The following ACP1 variants were observed in gnomAD, a reference collection of about 807,000 sequenced individuals.
ACP1 encodes low molecular weight phosphotyrosine protein phosphatase.
A neutral mutation model predicts 23.4 loss-of-function variants in ACP1; 23 were observed. The ratio of observed to expected loss-of-function variants is 0.98; its 90% CI spans 0.71 to 1.39. The LOEUF (loss-of-function observed/expected upper bound fraction) is 1.39, where lower values mean the gene tolerates loss of function less well. Among genes scored for constraint, ACP1 ranks in the 40% most tolerant of loss-of-function variants. ACP1 has a pLI of 0.00. For missense variants in ACP1, 180 were observed against 197.7 expected, an observed-to-expected ratio of 0.91 and a Z score of 0.54; for synonymous variants, 72 against 67.2, an observed-to-expected ratio of 1.07 and a Z score of -0.35.
chr2:272,084 C>G lies in ACP1; in HGVS notation c.165C>G (p.Pro55=), dbSNP rs201796949. ...AATSGYEIGN[P]PDYRGQSCMK... ...CTTCCGGGTATGAGATAGGGAACCC[C>G]CCTGACTACCGAGGGCAGAGCTGCA... Residue 55 remains proline, a synonymous_variant, in exon 3 of 6, where the codon CCC becomes CCG. Transcript: ENST00000272065. 6.2e-7 allele frequency: 1 copy of G among 1,614,198 alleles called. No individual in the cohort carries two copies. Among genetic ancestry groups the G allele is most frequent in the East Asian group, 2.2e-5 (1 of 44,874 alleles).
chr2:275,200 A>T lies in ACP1; in HGVS notation c.292A>T (p.Arg98Ter). The T allele has an allele frequency of 2.0e-6, 3 of 1,512,668 alleles. No homozygotes were observed. Among genetic ancestry groups the T allele is most frequent in the East Asian group, 2.3e-5 (1 of 43,644 alleles). The allele number at this position is 1,512,668 out of a possible 1,614,324, so 93.7% of individuals were successfully genotyped here. Reference sequence around the variant, plus strand: ...ACTATGTATGGATGAAAGCAATCTGAGGTAATCCTGTTTTTGAAGAATATT... The same window carrying T: ...ACTATGTATGGATGAAAGCAATCTGTGGTAATCCTGTTTTTGAAGAATATT... ...YILCMDESNL[R>*]DLNRKSNQVK... Residue 98 changes from arginine (R) to a stop codon, truncating the protein, a stop_gained and splice_region_variant, in exon 4 of 6, where the codon AGA becomes TGA. Coordinates refer to ENST00000272065, the MANE Select transcript of ACP1 (RefSeq NM_004300.4). LOFTEE classifies it high-confidence loss of function.
intron 1 of ACP1, chr2:269,305 G>T: frequency 4.2e-6 from 2 of 470,858 alleles, no homozygotes; most frequent in Non-Finnish European, 8.8e-6. Context: ...TTGTAGGTAA[G>T]ATTTTTTACT....
chr2:275,790 G>A (rs182839594), intron 4 of ACP1, among the ~76,000 whole-genome samples: 51 of 152,200 alleles, frequency 3.4e-4, no homozygotes, highest in African/African-American at 1.1e-3. Flanking sequence ...CATCGGGAAC[G>A]GATCATAATT....
intron 1 of ACP1, among the ~76,000 whole-genome samples, chr2:265,704 G>A (rs1558260760): frequency 6.6e-6 from 1 of 152,120 alleles, no homozygotes; most frequent in East Asian, 1.9e-4. Flanking sequence ...TATATTCCTC[G>A]GTGCCTCCAC....
chr2:271,778 C>T (rs567178306), intron 1 of ACP1, 88 bp from the exon 2 acceptor site: 161 of 1,011,722 alleles, frequency 1.6e-4, no homozygotes, highest in Non-Finnish European at 1.5e-4. Context: ...GCACAGCCCC[C>T]GTGTGTCAGG....
At chr2:267,170 C>A (rs894022913) in intron 1 of ACP1, among the ~76,000 whole-genome samples, 3 of 152,150 alleles carry the variant, frequency 2.0e-5, no homozygotes, top group Non-Finnish European at 4.4e-5. Context: ...ATGGGGTAAC[C>A]ATGGAAAGCA....
chr2:273,473 C>G (rs1558263927), intron 3 of ACP1, among the ~76,000 whole-genome samples: 2 of 152,102 alleles, frequency 1.3e-5, no homozygotes, highest in Non-Finnish European at 2.9e-5. Flanking sequence ...TTTGAGGCAC[C>G]TTTTTTATGA....
At chr2:276,195 G>A (rs1481882862) in intron 4 of ACP1, among the ~76,000 whole-genome samples, 1 of 152,032 alleles carries the variant, frequency 6.6e-6, no homozygotes, top group Admixed American at 6.5e-5. Context: ...TGGGTCATTC[G>A]GCTCCTATTT....
At chr2:275,898 T>C (rs1332081557) in intron 4 of ACP1, among the ~76,000 whole-genome samples, 2 of 152,262 alleles carry the variant, frequency 1.3e-5, no homozygotes, top group African/African-American at 4.8e-5. Flanking sequence ...ATTACTTTTG[T>C]ACAAATGAAC....
In ACP1 at chr2:277,488, TA is replaced by T. The variant is rs1213344412; in HGVS notation, c.*189del. The T allele has an allele frequency of 6.5e-6, 4 of 615,360 alleles. No individual in the cohort carries two copies. The East Asian group carries it at 1.1e-4, about 17-fold the overall frequency. The allele number at this position is 615,360 out of a possible 1,614,324, so 38.1% of individuals were successfully genotyped here. A position where few individuals can be genotyped will look rare whatever the true frequency, so the allele number is the denominator to read the frequency against. On this transcript the variant is annotated 3_prime_UTR_variant, in exon 6 of 6. Transcript: ENST00000272065. ...CAGTTGTGTTTGGCAGGAGAATCAA[TA>T]AAAATCTTTGATTCAGACAGCTTAT...
intron 1 of ACP1, 95 bp from the exon 2 acceptor site, chr2:271,771 C>A: frequency 1.0e-6 from 1 of 964,662 alleles, no homozygotes; most frequent in Non-Finnish European, 1.7e-6. Flanking sequence ...AGGGATAGCA[C>A]AGCCCCCGTG....
Position 264,992 on chromosome 2 carries a change from C to T in ACP1, c.28C>T (p.Leu10=), listed in dbSNP as rs1348342364. 4 of 1,613,254 alleles carry T rather than the reference C, an allele frequency of 2.5e-6. No individual in the cohort carries two copies. The highest frequency in any genetic ancestry group is 3.4e-6 in the Non-Finnish European group (4 of 1,179,610). ...GGCGGAACAGGCTACCAAGTCCGTG[C>T]TGTTTGTGTGTCTGGGTAAGAGGGC... is the stretch of plus-strand genomic sequence containing the variant. MAEQATKSV[L]FVCLGNICRS... Residue 10 remains leucine (L), a synonymous_variant, in exon 1 of 6, where the codon CTG becomes TTG. Transcript: ENST00000272065.
In ACP1 at chr2:272,119, A is replaced by G. The variant is rs1458932094; in HGVS notation, c.200A>G (p.His67Arg). The G allele has an allele frequency of 3.1e-6, 5 of 1,614,078 alleles. No homozygotes were observed. The highest frequency in any genetic ancestry group is 1.3e-5 in the African/African-American group (1 of 74,922). ...DYRGQSCMKR[H>R]GIPMSHVARQ... is the part of the protein sequence containing the mutation. ...CGAGGGCAGAGCTGCATGAAGAGGCACGGCATTCCCATGAGCCACGTTGCC... is the reference window on the plus strand; with the variant it reads ...CGAGGGCAGAGCTGCATGAAGAGGCGCGGCATTCCCATGAGCCACGTTGCC... Residue 67 changes from histidine (H) to arginine (R), a missense_variant, in exon 3 of 6, where the codon CAC (histidine) becomes CGC (arginine). Physicochemically the swap from His to Arg is conservative, Grantham distance 29. Around this residue, in one of 3 missense-constraint regions of ACP1, gnomAD observed 132 missense variants for 124.1 expected, o/e 1.06. Coordinates refer to ENST00000272065, the MANE Select transcript of ACP1 (RefSeq NM_004300.4).
chr2:273,540 T>A (rs1670098936), intron 3 of ACP1, among the ~76,000 whole-genome samples: 1 of 152,218 alleles, frequency 6.6e-6, no homozygotes, highest in Non-Finnish European at 1.5e-5. Context: ...TCGCGGCTGC[T>A]TTTGTGCTAG....
chr2:266,100 C>T (rs764322642), intron 1 of ACP1, among the ~76,000 whole-genome samples: 3 of 151,974 alleles, frequency 2.0e-5, no homozygotes, highest in African/African-American at 7.3e-5. Flanking sequence ...GATTCCTTAT[C>T]GACATCTTTT....
rs762853584 is a variant in ACP1 at position 275,178 on chromosome 2, A to G, written c.270A>G (p.Leu90=). The change falls in exon 4 of 6, where the codon CTA becomes CTG. Residue 90 remains leucine, a synonymous_variant. Transcript: ENST00000272065. The stretch of plus-strand genomic sequence containing the variant: ...ATTTTGCCACATTTGATTATATACT[A>G]TGTATGGATGAAAGCAATCTGAGGT... ...KEDFATFDYI[L]CMDESNLRDL... 3.9e-6 allele frequency: 6 copies of G among 1,544,780 alleles called. No homozygotes were observed. Among genetic ancestry groups the G allele is most frequent in the Non-Finnish European group, 1.8e-6 (2 of 1,128,992 alleles).
chr2:276,346 T>C (rs4452185), intron 4 of ACP1, among the ~76,000 whole-genome samples: 45,787 of 152,144 alleles, frequency 0.3, 7,566 homozygotes, highest in East Asian at 0.59. Context: ...ACTTCGTGCA[T>C]GGGAGCTCTT....
chr2:265,017 C>G lies in ACP1; in HGVS notation c.43+10C>G, dbSNP rs143584646. 3 of 1,612,390 alleles carry G rather than the reference C, an allele frequency of 1.9e-6. No homozygotes were observed. The highest frequency in any genetic ancestry group is 2.5e-6 in the Non-Finnish European group (3 of 1,179,300). On this transcript the variant is annotated intron_variant, in intron 1 of 5. Transcript: ENST00000272065. ...CTGTTTGTGTGTCTGGGTAAGAGGG[C>G]GCCGACTTACTCATGTTCTGACGTC...
chr2:268,471 A>G (rs575283145), intron 1 of ACP1, among the ~76,000 whole-genome samples: 3 of 152,210 alleles, frequency 2.0e-5, no homozygotes, highest in South Asian at 2.1e-4. Context: ...ATAGAGACTT[A>G]TTAGTGAAGA....
Sources: gnomAD v4.1 joint callset for allele counts (sites outside exome capture counted in the v4.1 genomes callset) on GRCh38, gnomAD v4.1.1 for gene constraint, gnomAD v4.1.1 regional missense constraint, MANE v1.5 for transcripts, NCBI Gene and HGNC (gene_info 2026-07-23, HGNC 2026-07-21) for gene names.